Variants in ALKBH3 observed in about 807,000 individuals in gnomAD.
The protein encoded by ALKBH3 is alpha-ketoglutarate-dependent dioxygenase alkB homolog 3.
ALKBH3 carries 51 observed loss-of-function variants against 43.9 expected under a neutral mutation model. The observed-to-expected ratio is 1.16, with a 90% confidence interval of 0.93 to 1.47. The LOEUF is 1.47. ALKBH3 is among the 40% of genes most tolerant of loss of function. ALKBH3 has a pLI of 0.00. For missense variants in ALKBH3, 361 were observed against 351.9 expected, an observed-to-expected ratio of 1.03 and a Z score of -0.21; for synonymous variants, 102 against 115.2, an observed-to-expected ratio of 0.89 and a Z score of 0.73.
intron 8 of ALKBH3, chr11:43,912,437 G>A (rs1951947377): frequency 6.6e-6 from 1 of 152,196 alleles, no homozygotes; most frequent in Admixed American, 6.5e-5. Context: ...GATGCCTCCA[G>A]TGCAGAAATT....
chr11:43,915,395 T>C (rs10768994), intron 8 of ALKBH3, among the ~76,000 whole-genome samples: 66,889 of 151,930 alleles, frequency 0.44, 14,826 homozygotes, highest in East Asian at 0.6. Flanking sequence ...GAAAGCAGTT[T>C]GGTAATATAA....
chr11:43,897,338 T>G (rs1951826514), intron 7 of ALKBH3: 1 of 650,404 alleles, frequency 1.5e-6, no homozygotes, highest in Non-Finnish European at 2.9e-6. Context: ...TTGGGCTCCT[T>G]GAGAATATTC....
intron 9 of ALKBH3, chr11:43,919,686 A>C: frequency 2.2e-6 from 1 of 458,278 alleles, no homozygotes; most frequent in Non-Finnish European, 3.9e-6. Context: ...CAACAATTAG[A>C]AAAGATGAAA....
In ALKBH3 at chr11:43,897,542, G is replaced by C. The variant is rs1130575; in HGVS notation, c.460-3974G>C. ...CTGCCTATGAAAGGAGGTTCCCTAC[G>C]TGTCCTTTGATTCCGACATTCATGG... On this transcript the variant is annotated intron_variant, in intron 7 of 9. Coordinates refer to ENST00000302708, the MANE Select transcript of ALKBH3 (RefSeq NM_139178.4). The C allele has an allele frequency of 5.5e-3, 4,237 of 775,232 alleles. 111 individuals carry two copies. In the African/African-American group the frequency reaches 0.064, roughly 12 times the overall value. The allele number at this position is 775,232 out of a possible 1,614,324, so 48.0% of individuals were successfully genotyped here.
At chr11:43,913,676 A>G (rs1206217057) in intron 8 of ALKBH3, among the ~76,000 whole-genome samples, 1 of 152,222 alleles carries the variant, frequency 6.6e-6, no homozygotes, top group Non-Finnish European at 1.5e-5. Context: ...ACTGCATGGA[A>G]TGGCAAAGGG....
chr11:43,896,969 G>A (rs1005792044), intron 7 of ALKBH3, among the ~76,000 whole-genome samples: 1 of 151,430 alleles, frequency 6.6e-6, no homozygotes, highest in African/African-American at 2.4e-5. Context: ...ACAGGGTCTT[G>A]CTCTGTTGCC....
intron 7 of ALKBH3, chr11:43,898,163 A>G: frequency 8.1e-7 from 1 of 1,228,826 alleles, no homozygotes; most frequent in Non-Finnish European, 1.2e-6. Context: ...GACTACATCA[A>G]GAGATACCTG....
intron 7 of ALKBH3, among the ~76,000 whole-genome samples, chr11:43,895,522 G>C (rs1384261466): frequency 6.6e-6 from 1 of 152,198 alleles, no homozygotes; most frequent in East Asian, 1.9e-4. Flanking sequence ...AAATTACCCA[G>C]TCTTGGGTAT....
chr11:43,898,674 G>A (rs973927501), intron 7 of ALKBH3: 2 of 718,724 alleles, frequency 2.8e-6, no homozygotes, highest in African/African-American at 3.5e-5. Flanking sequence ...AAGTGCTGCG[G>A]TGGATCATCG....
At chr11:43,918,923 G>C (rs1384275997) in intron 8 of ALKBH3, 115 bp from the exon 9 acceptor site, 1 of 769,854 alleles carries the variant, frequency 1.3e-6, no homozygotes, top group Non-Finnish European at 2.2e-6. Flanking sequence ...AGCTATATAT[G>C]GATTCCCACA....
At chr11:43,901,400 T>C (rs1405342150) in intron 7 of ALKBH3, 116 bp from the exon 8 acceptor site, 1 of 1,142,702 alleles carries the variant, frequency 8.8e-7, no homozygotes, top group Non-Finnish European at 1.3e-6. Context: ...GTTTGCTTAT[T>C]ACATGCCCTG....
At chr11:43,916,747 C>G (rs1951986300) in intron 8 of ALKBH3, 1 of 152,194 alleles carries the variant, frequency 6.6e-6, no homozygotes, top group African/African-American at 2.4e-5. Flanking sequence ...GGCCTTTTAT[C>G]TGACTCCTAA....
intron 7 of ALKBH3, among the ~76,000 whole-genome samples, chr11:43,900,253 T>TGAGA (rs1951853221): frequency 8.3e-6 from 1 of 121,182 alleles, no homozygotes; most frequent in Non-Finnish European, 1.6e-5. Context: ...CGACAGAGTC[T>TGAGA]CGCTCTGTTA....
At chr11:43,918,132 A>C (rs1951998370) in intron 8 of ALKBH3, among the ~76,000 whole-genome samples, 6 of 152,334 alleles carry the variant, frequency 3.9e-5, no homozygotes, top group African/African-American at 1.4e-4. Context: ...AATGGAGGTG[A>C]AGAAATCAGG....
rs368061935 is a variant in ALKBH3, at chr11:43,882,678, G to A, written c.26G>A (p.Arg9Gln). 6.8e-6 allele frequency: 11 copies of A among 1,613,276 alleles called. No individual in the cohort carries two copies. In the East Asian group the frequency reaches 8.9e-5, roughly 13 times the overall value. The stretch of plus-strand genomic sequence containing the variant: ...ATGGAGGAAAAAAGACGGCGAGCCC[G>A]AGTTCAGGGAGCCTGGGCTGCCCCT... MEEKRRRARVQGAWAAPVK... is the reference protein window; with the variant it reads MEEKRRRAQVQGAWAAPVK... Residue 9 changes from arginine (R) to glutamine (Q), a missense_variant, in exon 2 of 10, where the codon CGA (arginine) becomes CAA (glutamine). Coordinates refer to ENST00000302708, the MANE Select transcript of ALKBH3 (RefSeq NM_139178.4).
chr11:43,890,120 T>C (rs538655308), intron 6 of ALKBH3, among the ~76,000 whole-genome samples: 135 of 144,490 alleles, frequency 9.3e-4, no homozygotes, highest in Non-Finnish European at 1.6e-3. Context: ...TTATCTCCTT[T>C]TGTGTTTGTT....
chr11:43,884,223 GA>G (rs1158312977), intron 4 of ALKBH3, among the ~76,000 whole-genome samples: 1 of 152,158 alleles, frequency 6.6e-6, no homozygotes, highest in Non-Finnish European at 1.5e-5. Flanking sequence ...AATGCAACAA[GA>G]TATCCATATG....
chr11:43,882,733 C>A lies in ALKBH3; in HGVS notation c.79+2C>A. On this transcript the variant is annotated splice_donor_variant, in intron 2 of 9. Transcript: ENST00000302708. LOFTEE classifies it high-confidence loss of function. Reference sequence around the variant, plus strand: ...AAAGCCAGGCCATTGCTCAGCCAGGCAAGAATCTGTAGGGATTTTGTGTGT... The same window carrying A: ...AAAGCCAGGCCATTGCTCAGCCAGGAAAGAATCTGTAGGGATTTTGTGTGT... 1 of 1,610,588 alleles carries A rather than the reference C, an allele frequency of 6.2e-7. No individual in the cohort carries two copies. The highest frequency in any genetic ancestry group is 8.5e-7 in the Non-Finnish European group (1 of 1,178,972).
intron 4 of ALKBH3, 60 bp from the exon 5 acceptor site, chr11:43,886,546 A>T (rs1005522822): frequency 8.4e-6 from 13 of 1,551,054 alleles, no homozygotes; most frequent in Non-Finnish European, 1.2e-5. Context: ...TAACTCTTCC[A>T]CTGGGTATAG....
Sources: allele counts gnomAD v4.1 joint callset (sites outside exome capture counted in the v4.1 genomes callset), GRCh38; gene constraint gnomAD v4.1.1; transcripts MANE v1.5; gene names NCBI Gene and HGNC (gene_info 2026-07-23, HGNC 2026-07-21).